Variants in ACADS observed in about 807,000 individuals in gnomAD.
ACADS encodes acyl-CoA dehydrogenase short chain, also known as short-chain specific acyl-CoA dehydrogenase, mitochondrial.
In ACADS, 28 loss-of-function variants were observed where a neutral mutation model predicts 46.8. The ratio of observed to expected loss-of-function variants is 0.60; its 90% CI spans 0.44 to 0.82. ACADS has a LOEUF of 0.82. Among genes scored for constraint, ACADS ranks in the 40% least tolerant of loss-of-function variants. The pLI, the probability that ACADS is intolerant of heterozygous loss-of-function variation, is 0.00. For synonymous variants in ACADS, 236 were observed against 237.7 expected, an observed-to-expected ratio of 0.99 and a Z score of 0.07; for missense variants, 528 against 578.0, an observed-to-expected ratio of 0.91 and a Z score of 0.89.
At chr12:120,733,694 C>G (rs1371569871) in intron 2 of ACADS, among the ~76,000 whole-genome samples, 1 of 151,946 alleles carries the variant, frequency 6.6e-6, no homozygotes, top group Non-Finnish European at 1.5e-5. Flanking sequence ...AAAATGACAC[C>G]TCCCTGGTAG....
intron 2 of ACADS, among the ~76,000 whole-genome samples, chr12:120,734,471 C>G (rs1053124542): frequency 3.9e-5 from 6 of 152,164 alleles, no homozygotes; most frequent in Non-Finnish European, 7.4e-5. Context: ...GACGCTCCGC[C>G]CCGCACTTAG....
chr12:120,729,329 C>T (rs1229295193), intron 2 of ACADS, among the ~76,000 whole-genome samples: 1 of 149,076 alleles, frequency 6.7e-6, no homozygotes, highest in Non-Finnish European at 1.5e-5. Flanking sequence ...GCGATCTTGG[C>T]TCACTGCAGC....
intron 2 of ACADS, among the ~76,000 whole-genome samples, chr12:120,735,453 G>A (rs745429354): frequency 2.0e-5 from 3 of 149,974 alleles, no homozygotes; most frequent in Non-Finnish European, 4.4e-5. Context: ...TGCCTTTCAT[G>A]TGTATTATCT....
In ACADS at chr12:120,737,981, A is replaced by C. The variant is rs1883511862; in HGVS notation, c.617A>C (p.Gln206Pro). ...VVFASTDRAL[Q>P]NKGISAFLVP... ...TTTGCCAGCACGGACAGAGCCCTGC[A>C]AAACAAGGTGGGCCCACCCAGAGAG... The change falls in exon 5 of 10, where the codon CAA becomes CCA. Residue 206 changes from glutamine (Q) to proline (P), a missense_variant. Coordinates refer to ENST00000242592, the MANE Select transcript of ACADS (RefSeq NM_000017.4). The C allele has an allele frequency of 6.2e-7, 1 of 1,613,904 alleles. No homozygotes were observed. The highest frequency in any genetic ancestry group is 8.5e-7 in the Non-Finnish European group (1 of 1,180,018).
In ACADS at chr12:120,728,361, G is replaced by A. The variant is rs1443147126; in HGVS notation, c.210+1172G>A. On this transcript the variant is annotated intron_variant, in intron 2 of 9. Coordinates refer to ENST00000242592, the MANE Select transcript of ACADS (RefSeq NM_000017.4). The surrounding 1 kb of genome is among the most constrained non-coding windows in gnomAD (Gnocchi z 4.0). ...GCTACGCGTTGAAGATGTTACTGCC[G>A]TACACGCTGACCTAAAGATGTCCAG... Among the ~76,000 whole-genome samples, 2 of 151,954 alleles carry A rather than the reference G, an allele frequency of 1.3e-5. No homozygotes were observed. Among genetic ancestry groups the A allele is most frequent in the Non-Finnish European group, 2.9e-5 (2 of 68,020 alleles).
rs193113032 is a variant in ACADS, at chr12:120,728,343, G to A, written c.210+1154G>A. ...GCATTCAGTCTGTCTGCAGCTACGCGTTGAAGATGTTACTGCCGTACACGC... is the reference window on the plus strand; with the variant it reads ...GCATTCAGTCTGTCTGCAGCTACGCATTGAAGATGTTACTGCCGTACACGC... On this transcript the variant is annotated intron_variant, in intron 2 of 9. Coordinates refer to ENST00000242592, the MANE Select transcript of ACADS (RefSeq NM_000017.4). This position sits in a 1 kb window ranked among gnomAD's most constrained non-coding sequence, Gnocchi z 4.0. Among the ~76,000 whole-genome samples, 7 of 152,212 alleles carry A rather than the reference G, an allele frequency of 4.6e-5. No homozygotes were observed. Among genetic ancestry groups the A allele is most frequent in the Middle Eastern group, 3.4e-3 (1 of 294 alleles).
chr12:120,738,461 C>T lies in ACADS; in HGVS notation c.795+11C>T. On this transcript the variant is annotated intron_variant, in intron 6 of 9. Coordinates refer to ENST00000242592, the MANE Select transcript of ACADS (RefSeq NM_000017.4). ...TTCAAGATAGCCATGGTGAGCCCGG[C>T]AGTGGGGGTGGCACCTTGAGGCCAG... 1 of 1,607,996 alleles carries T rather than the reference C, an allele frequency of 6.2e-7. No homozygotes were observed. Among genetic ancestry groups the T allele is most frequent in the Non-Finnish European group, 8.5e-7 (1 of 1,179,714 alleles).
intron 2 of ACADS, among the ~76,000 whole-genome samples, chr12:120,729,258 CTTT>C (rs137894149): frequency 6.1e-4 from 75 of 123,096 alleles, no homozygotes; most frequent in Middle Eastern, 4.1e-3. Context: ...TTTCTTTTTT[CTTT>C]TTTTTTTTTT....
rs918223236 is a variant in ACADS, at chr12:120,734,376, ATGTGCACT to A, written c.211-2605_211-2598del. 1.3e-4 allele frequency among the ~76,000 whole-genome samples: 20 copies of A among 152,270 alleles called. No individual in the cohort carries two copies. The Middle Eastern group carries it at 0.01, about 78-fold the overall frequency. On this transcript the variant is annotated intron_variant, in intron 2 of 9. Coordinates refer to ENST00000242592, the MANE Select transcript of ACADS (RefSeq NM_000017.4). ...ATCTGCCTGGGGGCCGCAGAGCTTG[ATGTGCACT>A]TGTGGGGGTCATAGCTCAAGCCTCT...
intron 3 of ACADS, 29 bp downstream of exon 3, chr12:120,737,164 C>T (rs760240137): frequency 7.4e-5 from 116 of 1,561,626 alleles, no homozygotes; most frequent in Middle Eastern, 5.0e-4. Context: ...CCCTGGGACA[C>T]ACGGGTGGAG....
At position 120,737,876 on chromosome 12, in the gene ACADS, G is replaced by T. The variant is rs751618843; in HGVS notation, c.512G>T (p.Arg171Leu). The part of the protein sequence containing the change: ...SDAGAASTTA[R>L]AEGDSWVLNG... ...GCAGGAGCTGCGTCCACCACCGCCC[G>T]GGCCGAGGGCGACTCATGGGTTCTG... Residue 171 changes from arginine (R) to leucine (L), a missense_variant, in exon 5 of 10, where the codon CGG becomes CTG. By Grantham distance (102) the Arg-to-Leu change is moderately radical. Coordinates refer to ENST00000242592, the MANE Select transcript of ACADS (RefSeq NM_000017.4). The T allele has an allele frequency of 1.2e-6, 2 of 1,614,058 alleles. No homozygotes were observed. The highest frequency in any genetic ancestry group is 1.7e-5 in the Admixed American group (1 of 60,024).
chr12:120,734,603 T>G (rs1255619894), intron 2 of ACADS, among the ~76,000 whole-genome samples: 2 of 152,046 alleles, frequency 1.3e-5, no homozygotes, highest in African/African-American at 4.8e-5. Flanking sequence ...CTCTTTTCCA[T>G]ACGTTATTGC....
chr12:120,736,762 C>T (rs906555812), intron 2 of ACADS, among the ~76,000 whole-genome samples: 2 of 152,120 alleles, frequency 1.3e-5, no homozygotes, highest in African/African-American at 4.8e-5. Flanking sequence ...GGGGAGCAGG[C>T]GTGGAGGCGG....
In ACADS at chr12:120,738,809, G is replaced by A. The variant is rs753547944; in HGVS notation, c.934-11G>A. 6 of 1,613,766 alleles carry A rather than the reference G, an allele frequency of 3.7e-6. No individual in the cohort carries two copies. The Admixed American group carries it at 1.0e-4, about 27-fold the overall frequency. ...GCTGCTGACCTGTGGTGTGGGGTGG[G>A]GCTATTGCAGTTCAAGTTGGCAGAC... On this transcript the variant is annotated splice_polypyrimidine_tract_variant and intron_variant, in intron 7 of 9. Coordinates refer to ENST00000242592, the MANE Select transcript of ACADS (RefSeq NM_000017.4).
rs760948905 is a variant in ACADS at position 120,736,993 on chromosome 12, A to T, written c.218A>T (p.Lys73Met). The change falls in exon 3 of 10, where the codon AAG (lysine) becomes ATG (methionine). Residue 73 changes from lysine to methionine, a missense_variant. Lys to Met is a moderately conservative substitution (Grantham distance 95, BLOSUM62 -1). Coordinates refer to ENST00000242592, the MANE Select transcript of ACADS (RefSeq NM_000017.4). ...GTCCTTCCCTGTGCCCAGGTGAAGA[A>T]GATGGGCGGGCTTGGGCTTCTGGCC... ...EHLFPAAQVKKMGGLGLLAMD... is the reference protein window; with the variant it reads ...EHLFPAAQVKMMGGLGLLAMD... 5.6e-6 allele frequency: 9 copies of T among 1,608,128 alleles called. No homozygotes were observed. The Admixed American group carries it at 1.3e-4, about 24-fold the overall frequency.
intron 8 of ACADS, 24 bp downstream of exon 8, chr12:120,738,939 A>G: frequency 6.2e-7 from 1 of 1,612,358 alleles, no homozygotes; most frequent in South Asian, 1.1e-5. Context: ...TCCCCGAGCC[A>G]TGGCCCAGAA....
At position 120,739,643 on chromosome 12, in the gene ACADS, G is replaced by C; in HGVS notation, c.*195G>C. 1.5e-6 allele frequency: 1 copy of C among 654,558 alleles called. No homozygotes were observed. The highest frequency in any genetic ancestry group is 2.6e-6 in the Non-Finnish European group (1 of 386,622). 40.5% of individuals were successfully genotyped at this position (654,558 alleles called of 1,614,324 possible). On this transcript the variant is annotated 3_prime_UTR_variant, in exon 10 of 10. Transcript: ENST00000242592. Reference sequence around the variant, plus strand: ...GGCAGCTCCGCCTCTGGGCCTTTCCGCCTCCTCACCACTGTGCCTCAAGTT... The same window carrying C: ...GGCAGCTCCGCCTCTGGGCCTTTCCCCCTCCTCACCACTGTGCCTCAAGTT...
intron 2 of ACADS, among the ~76,000 whole-genome samples, chr12:120,731,681 G>C (rs1883252867): frequency 6.6e-6 from 1 of 151,340 alleles, no homozygotes; most frequent in Admixed American, 6.6e-5. Flanking sequence ...GGTGTTTCTC[G>C]CAGAGGGGGA....
At chr12:120,727,719 A>G (rs887319900) in intron 2 of ACADS, among the ~76,000 whole-genome samples, 13 of 151,990 alleles carry the variant, frequency 8.6e-5, no homozygotes, top group Non-Finnish European at 1.5e-4. Context: ...TATTTTTAGT[A>G]AAGACGGCGT....
Sources: gnomAD v4.1 joint callset for allele counts (sites outside exome capture counted in the v4.1 genomes callset) on GRCh38, gnomAD v4.1.1 for gene constraint, Gnocchi (gnomAD v3.1) non-coding constraint, MANE v1.5 for transcripts, NCBI Gene and HGNC (gene_info 2026-07-23, HGNC 2026-07-21) for gene names.